Variants in DLGAP1 observed in about 807,000 individuals in gnomAD.
The protein encoded by DLGAP1 is disks large-associated protein 1.
A neutral mutation model predicts 90.8 loss-of-function variants in DLGAP1; 11 were observed. The observed-to-expected ratio is 0.12, with a 90% confidence interval of 0.08 to 0.20. The LOEUF is 0.20. DLGAP1 is among the 10% of genes least tolerant of loss of function. The pLI, the probability that DLGAP1 is intolerant of heterozygous loss-of-function variation, is 1.00. For missense variants in DLGAP1, 1,050 were observed against 1,333.8 expected, an observed-to-expected ratio of 0.79 and a Z score of 3.31; for synonymous variants, 558 against 540.7, an observed-to-expected ratio of 1.03 and a Z score of -0.44.
chr18:3,530,329 C>T (rs2051909838), intron 10 of DLGAP1, among the ~76,000 whole-genome samples: 2 of 152,010 alleles, frequency 1.3e-5, no homozygotes, highest in African/African-American at 4.8e-5. Context: ...ATCACTTGGG[C>T]CCAGGACGTC....
rs894342369 is a variant in DLGAP1 at position 3,653,133 on chromosome 18, A to G, written c.1592-70885T>C. On this transcript the variant is annotated intron_variant, in intron 7 of 12. Coordinates refer to ENST00000315677, the MANE Select transcript of DLGAP1 (RefSeq NM_004746.4). This position sits in a 1 kb window ranked among gnomAD's most constrained non-coding sequence, Gnocchi z 4.6. ...ACTGGTGAAAATATGTAGACCTAAC[A>G]TCTATCTCCCTGCTCCAGTTTCAAG... is the stretch of plus-strand genomic sequence containing the variant. 2.0e-5 allele frequency among the ~76,000 whole-genome samples: 3 copies of G among 152,206 alleles called. No homozygotes were observed. The highest frequency in any genetic ancestry group is 6.5e-5 in the Admixed American group (1 of 15,280).
At chr18:3,883,021 A>G (rs2071216822) in intron 3 of DLGAP1, among the ~76,000 whole-genome samples, 1 of 152,232 alleles carries the variant, frequency 6.6e-6, no homozygotes. Context: ...AGGCAGGCGA[A>G]TCACCTGAAG....
intron 1 of DLGAP1, among the ~76,000 whole-genome samples, chr18:4,437,729 A>C (rs1383311681): frequency 6.6e-6 from 1 of 152,212 alleles, no homozygotes; most frequent in African/African-American, 2.4e-5. Flanking sequence ...TGTATAATAA[A>C]TATGGTTTAA....
intron 1 of DLGAP1, among the ~76,000 whole-genome samples, chr18:4,422,087 T>C (rs2083049412): frequency 1.3e-5 from 2 of 152,124 alleles, no homozygotes; most frequent in African/African-American, 4.8e-5. Context: ...TATGTGAATG[T>C]GCAAGTGTGT....
intron 2 of DLGAP1, among the ~76,000 whole-genome samples, chr18:4,094,231 T>C (rs2075634961): frequency 2.0e-5 from 3 of 152,188 alleles, no homozygotes; most frequent in African/African-American, 7.2e-5. Flanking sequence ...CTTAGTTTTA[T>C]CTCTTAGCTG....
At chr18:4,058,293 C>T (rs1417748083) in intron 2 of DLGAP1, among the ~76,000 whole-genome samples, 5 of 152,158 alleles carry the variant, frequency 3.3e-5, no homozygotes, top group African/African-American at 4.8e-5. Context: ...TTTGTGTGCC[C>T]GGGGCTCTTG....
chr18:3,833,986 G>A (rs1454257472), intron 4 of DLGAP1, among the ~76,000 whole-genome samples: 1 of 152,132 alleles, frequency 6.6e-6, no homozygotes, highest in Non-Finnish European at 1.5e-5. Context: ...AATAATTTCT[G>A]CAATTTATCC....
chr18:3,712,805 G>A (rs2147243904), intron 7 of DLGAP1, among the ~76,000 whole-genome samples: 1 of 152,340 alleles, frequency 6.6e-6, no homozygotes, highest in South Asian at 2.1e-4. Context: ...ACTTTCTGTA[G>A]CTAGCAGGAC....
At chr18:3,702,916 C>T (rs1410486083) in intron 7 of DLGAP1, among the ~76,000 whole-genome samples, 1 of 152,060 alleles carries the variant, frequency 6.6e-6, no homozygotes, top group Non-Finnish European at 1.5e-5. Flanking sequence ...ATCCAAGTCC[C>T]AGAAAGGAGT....
intron 1 of DLGAP1, among the ~76,000 whole-genome samples, chr18:4,440,013 G>A (rs914859669): frequency 3.3e-5 from 5 of 150,350 alleles, no homozygotes; most frequent in Non-Finnish European, 3.0e-5. Flanking sequence ...TCAGCTACTC[G>A]GGAGGCTGAG....
Position 3,534,227 on chromosome 18 carries a change from G to T in DLGAP1, c.2446C>A (p.Arg816=), listed in dbSNP as rs200399766. The T allele has an allele frequency of 3.1e-6, 5 of 1,613,958 alleles. No individual in the cohort carries two copies. In the South Asian group the frequency reaches 3.3e-5, roughly 11 times the overall value. ...GGCAGGTTGTTTTCCCGTTCTTCCC[G>T]CTCCATCTGTTGACACCACCCCTCC... ...RMEGWCQQME[R]EERENNLPED... The change falls in exon 10 of 13, where the codon CGG becomes AGG. Residue 816 remains arginine (R), a synonymous_variant. Coordinates refer to ENST00000315677, the MANE Select transcript of DLGAP1 (RefSeq NM_004746.4).
rs373363062 is a variant in DLGAP1, at chr18:3,971,297, CTTT to C, written c.-73+33816_-73+33818del. Among the ~76,000 whole-genome samples, 21 of 152,288 alleles carry C rather than the reference CTTT, an allele frequency of 1.4e-4. No homozygotes were observed. In the South Asian group the frequency reaches 4.3e-3, roughly 32 times the overall value. On this transcript the variant is annotated intron_variant, in intron 3 of 12. Coordinates refer to ENST00000315677, the MANE Select transcript of DLGAP1 (RefSeq NM_004746.4). ...GTAGGAGTTCTTTTCATGCTAACTGCTTTCCATTAGTTTAGAATTAAGTCCTCT... is the reference window on the plus strand; with the variant it reads ...GTAGGAGTTCTTTTCATGCTAACTGCCCATTAGTTTAGAATTAAGTCCTCT...
chr18:3,782,077 C>T (rs755009865), intron 5 of DLGAP1, among the ~76,000 whole-genome samples: 7 of 151,256 alleles, frequency 4.6e-5, no homozygotes, highest in African/African-American at 1.7e-4. Flanking sequence ...TTCCCAATGA[C>T]CATCTTGGTG....
intron 7 of DLGAP1, among the ~76,000 whole-genome samples, chr18:3,703,339 A>G (rs2061339502): frequency 6.6e-6 from 1 of 152,258 alleles, no homozygotes; most frequent in Admixed American, 6.5e-5. Context: ...GCAGTTGTCC[A>G]TGCATAGGCT....
chr18:4,326,363 T>C (rs539827020), intron 1 of DLGAP1, among the ~76,000 whole-genome samples: 2 of 152,136 alleles, frequency 1.3e-5, no homozygotes, highest in Non-Finnish European at 2.9e-5. Context: ...CCTGGCAAGG[T>C]TGTCGAGAAA....
chr18:3,973,344 T>A (rs1470227), intron 3 of DLGAP1, among the ~76,000 whole-genome samples: 59,119 of 150,842 alleles, frequency 0.39, 11,804 homozygotes, highest in Non-Finnish European at 0.42. Context: ...GTTGTAAGAT[T>A]TATCTGGAGC....
In DLGAP1 at chr18:3,684,788, A is replaced by C. The variant is rs366794; in HGVS notation, c.1591+44347T>G. ...CTGATGAAACAGGAAAAAAAATGTC[A>C]CTTAGACCACACCTGTATGTAAAAG... On this transcript the variant is annotated intron_variant, in intron 7 of 12. Transcript: ENST00000315677. Among the ~76,000 whole-genome samples the C allele has an allele frequency of 1.1e-3, 173 of 152,074 alleles. No individual in the cohort carries two copies. In the Middle Eastern group the frequency reaches 0.017, roughly 15 times the overall value.
chr18:3,569,525 A>G (rs987851212), intron 8 of DLGAP1, among the ~76,000 whole-genome samples: 1 of 151,976 alleles, frequency 6.6e-6, no homozygotes, highest in Non-Finnish European at 1.5e-5. Flanking sequence ...TTAGGTAGTC[A>G]CATCCAGCTT....
intron 5 of DLGAP1, among the ~76,000 whole-genome samples, chr18:3,786,566 C>T (rs1040358727): frequency 1.3e-5 from 2 of 152,150 alleles, no homozygotes; most frequent in Non-Finnish European, 2.9e-5. Flanking sequence ...TGCGTGCCAG[C>T]ATGGAACTCT....
Sources: allele counts gnomAD v4.1 joint callset (sites outside exome capture counted in the v4.1 genomes callset), GRCh38; gene constraint gnomAD v4.1.1; non-coding constraint Gnocchi (gnomAD v3.1); transcripts MANE v1.5; gene names NCBI Gene and HGNC (gene_info 2026-07-23, HGNC 2026-07-21).